Variants in TNNT1 observed in about 807,000 individuals in gnomAD.
TNNT1 encodes troponin T, slow skeletal muscle.
A neutral mutation model predicts 50.6 loss-of-function variants in TNNT1; 53 were observed. That is an observed-to-expected ratio of 1.05 (90% CI 0.84 to 1.32). The LOEUF is 1.32. Among genes scored for constraint, TNNT1 ranks in the 40% most tolerant of loss-of-function variants. TNNT1 has a pLI of 0.00. For synonymous variants in TNNT1, 142 were observed against 138.0 expected, an observed-to-expected ratio of 1.03 and a Z score of -0.20; for missense variants, 348 against 381.7, an observed-to-expected ratio of 0.91 and a Z score of 0.74.
rs535659379 is a variant in TNNT1, at chr19:55,135,644, A to G, written c.612-1440T>C. 9.4e-5 allele frequency: 15 copies of G among 158,830 alleles called. No homozygotes were observed. In the South Asian group the frequency reaches 1.9e-3, roughly 20 times the overall value. 9.8% of individuals were successfully genotyped at this position (158,830 alleles called of 1,614,324 possible). On this transcript the variant is annotated intron_variant, in intron 11 of 13. Coordinates refer to ENST00000588981, the MANE Select transcript of TNNT1 (RefSeq NM_003283.6). ...CTGGGTTCAGTGATTCTCCTGCCTC[A>G]GCCTCCAGAGTAGCTGGGATTACAG...
intron 6 of TNNT1, among the ~76,000 whole-genome samples, chr19:55,142,399 G>A (rs1302190778): frequency 6.6e-6 from 1 of 151,984 alleles, no homozygotes; most frequent in African/African-American, 2.4e-5. Context: ...GGGATCACAG[G>A]TGTGAGCCAC....
chr19:55,135,377 TTTCC>T (rs142922892), intron 11 of TNNT1: 23,959 of 237,140 alleles, frequency 0.1, 3,222 homozygotes, highest in African/African-American at 0.36. Context: ...AAAACCTACC[TTTCC>T]TTCCTTCCTT....
Position 55,132,975 on chromosome 19 carries a change from G to T in TNNT1, c.792-15C>A. The T allele has an allele frequency of 6.3e-7, 1 of 1,594,868 alleles. No individual in the cohort carries two copies. Among genetic ancestry groups the T allele is most frequent in the African/African-American group, 1.3e-5 (1 of 74,914 alleles). On this transcript the variant is annotated splice_polypyrimidine_tract_variant and intron_variant, in intron 13 of 13. Coordinates refer to ENST00000588981, the MANE Select transcript of TNNT1 (RefSeq NM_003283.6). ...CCCCCTTCCGGCTGTAGAAGAATGA[G>T]GTGGTATCAGGAAAAAGGGGCCCCT... is the stretch of plus-strand genomic sequence containing the variant.
intron 13 of TNNT1, 191 bp downstream of exon 13, chr19:55,133,692 AAAAG>A (rs759324502): frequency 1.8e-5 from 12 of 662,090 alleles, no homozygotes; most frequent in East Asian, 1.4e-4. Flanking sequence ...AAAAAAAAAA[AAAAG>A]AAAGAAAAAG....
intron 11 of TNNT1, among the ~76,000 whole-genome samples, chr19:55,135,967 A>G (rs951884273): frequency 1.3e-5 from 2 of 152,178 alleles, no homozygotes; most frequent in Admixed American, 6.6e-5. Flanking sequence ...AGCAAGGTGG[A>G]AGTATTTACG....
At chr19:55,137,291 A>G (rs1253493958) in intron 10 of TNNT1, 79 bp from the exon 11 acceptor site, 1 of 999,650 alleles carries the variant, frequency 1.0e-6, no homozygotes, top group Non-Finnish European at 1.6e-6. Flanking sequence ...CACACGTCGG[A>G]TCCCACAGAC....
intron 9 of TNNT1, among the ~76,000 whole-genome samples, chr19:55,140,472 A>G (rs2085429808): frequency 6.6e-6 from 1 of 151,514 alleles, no homozygotes; most frequent in Non-Finnish European, 1.5e-5. Flanking sequence ...CCTATTTCCA[A>G]ATAAACGAAT....
chr19:55,141,203 C>A lies in TNNT1; in HGVS notation c.292G>T (p.Ala98Ser), dbSNP rs868712426. ...QRKKEEEELV[A>S]LKERIERRRS... ...CGGCTCACAATGCGCTCCTTCAAGG[C>A]AACCAGCTCCTCTTCCTCCTTCTTC... Residue 98 changes from alanine to serine, a missense_variant, in exon 8 of 14, where the codon GCC becomes TCC. Around this residue, in one of 3 missense-constraint regions of TNNT1, gnomAD observed 253 missense variants for 291.8 expected, o/e 0.87. Transcript: ENST00000588981. 6.2e-7 allele frequency: 1 copy of A among 1,614,212 alleles called. No homozygotes were observed. The highest frequency in any genetic ancestry group is 1.7e-5 in the Admixed American group (1 of 60,032).
Position 55,147,145 on chromosome 19 carries a change from C to T in TNNT1, c.13G>A (p.Glu5Lys), listed in dbSNP as rs1483187857. The T allele has an allele frequency of 1.9e-6, 3 of 1,613,658 alleles. No individual in the cohort carries two copies. The highest frequency in any genetic ancestry group is 2.5e-6 in the Non-Finnish European group (3 of 1,179,880). The change falls in exon 2 of 14, where the codon GAG becomes AAG. Residue 5 changes from glutamate to lysine, a missense_variant. Glu to Lys is a moderately conservative substitution (Grantham distance 56, BLOSUM62 1). Transcript: ENST00000588981. ...ACTCACTCCTCATATTCCTGCTCCT[C>T]GGTGTCCGACATCCTGGTGCGGCCT... Reference protein sequence around the residue: MSDTEEQEYEEEQPE... With the variant: MSDTKEQEYEEEQPE...
intron 12 of TNNT1, 33 bp from the exon 13 acceptor site, chr19:55,133,960 C>A (rs1032207498): frequency 1.2e-6 from 2 of 1,607,898 alleles, no homozygotes; most frequent in African/African-American, 1.4e-5. Context: ...CTGGGACAGC[C>A]GGTGGGGACG....
chr19:55,148,791 C>T (rs371537619), intron 1 of TNNT1, among the ~76,000 whole-genome samples: 1 of 152,030 alleles, frequency 6.6e-6, no homozygotes, highest in Admixed American at 6.5e-5. Flanking sequence ...CCCCCAATTC[C>T]TGATACCCTC....
Position 55,134,167 on chromosome 19 carries a change from A to G in TNNT1, c.649T>C (p.Cys217Arg), listed in dbSNP as rs2085301006. ...TCCTGGGCTTTCTCCCTGGCAGGGC[A>G]GGAGGGCTGTGATGGAGGCAGCCAG... ...SAWLPPSQPS[C>R]PAREKAQELS... is the part of the protein sequence containing the mutation. The change falls in exon 12 of 14, where the codon TGC (cysteine) becomes CGC (arginine). Residue 217 changes from cysteine to arginine, a missense_variant. Coordinates refer to ENST00000588981, the MANE Select transcript of TNNT1 (RefSeq NM_003283.6). 1 of 1,595,336 alleles carries G rather than the reference A, an allele frequency of 6.3e-7. No individual in the cohort carries two copies. The highest frequency in any genetic ancestry group is 1.3e-5 in the African/African-American group (1 of 74,872).
chr19:55,135,257 G>A (rs2085327016), intron 11 of TNNT1, among the ~76,000 whole-genome samples: 1 of 152,104 alleles, frequency 6.6e-6, no homozygotes, highest in African/African-American at 2.4e-5. Context: ...CAGCTATATT[G>A]GACTAAGTGA....
chr19:55,143,545 T>C (rs563755429), intron 6 of TNNT1, among the ~76,000 whole-genome samples: 2 of 152,178 alleles, frequency 1.3e-5, no homozygotes, highest in East Asian at 3.9e-4. Context: ...GGGCCAAGTG[T>C]ACAGCAGGGC....
At chr19:55,134,883 G>T (rs1433010486) in intron 11 of TNNT1, among the ~76,000 whole-genome samples, 1 of 147,988 alleles carries the variant, frequency 6.8e-6, no homozygotes, top group African/African-American at 2.5e-5. Flanking sequence ...AGAAAGAAAA[G>T]ACCGAGCCCA....
At chr19:55,141,984 G>A (rs530241256) in intron 6 of TNNT1, 64 bp from the exon 7 acceptor site, 6 of 1,552,092 alleles carry the variant, frequency 3.9e-6, no homozygotes, top group African/African-American at 2.7e-5. Context: ...TCCCACCTCC[G>A]GGATGTGCCG....
At chr19:55,133,494 A>G in intron 13 of TNNT1, 1 of 325,588 alleles carries the variant, frequency 3.1e-6, no homozygotes. Flanking sequence ...CCTGACCAAC[A>G]TGGTGAAACC....
chr19:55,146,604 C>T (rs2085558175), intron 4 of TNNT1, 77 bp downstream of exon 4: 2 of 955,884 alleles, frequency 2.1e-6, no homozygotes, highest in Non-Finnish European at 3.0e-6. Flanking sequence ...GGAGCCCCAT[C>T]CCGCCCCCTC....
chr19:55,134,533 TA>T (rs142703634), intron 11 of TNNT1, among the ~76,000 whole-genome samples: 8,845 of 148,718 alleles, frequency 0.059, 440 homozygotes, highest in African/African-American at 0.12. Flanking sequence ...TAAAAATAAT[TA>T]AAAAAATTAG....
Sources: allele counts gnomAD v4.1 joint callset (sites outside exome capture counted in the v4.1 genomes callset), GRCh38; gene constraint gnomAD v4.1.1; regional missense constraint gnomAD v4.1.1; transcripts MANE v1.5; gene names NCBI Gene and HGNC (gene_info 2026-07-23, HGNC 2026-07-21).